Variants in PIK3C2G observed in about 807,000 individuals in gnomAD.
The protein encoded by PIK3C2G is phosphatidylinositol-4-phosphate 3-kinase catalytic subunit type 2 gamma.
PIK3C2G carries 168 observed loss-of-function variants against 181.1 expected under a neutral mutation model. That is an observed-to-expected ratio of 0.93 (90% CI 0.82 to 1.05). The LOEUF (loss-of-function observed/expected upper bound fraction) is 1.05, where lower values mean the gene tolerates loss of function less well. Among genes scored for constraint, PIK3C2G ranks in the 50% least tolerant of loss-of-function variants. The pLI, the probability that PIK3C2G is intolerant of heterozygous loss-of-function variation, is 0.00. For synonymous variants in PIK3C2G, 573 were observed against 592.2 expected, an observed-to-expected ratio of 0.97 and a Z score of 0.47; for missense variants, 1,869 against 1,732.8, an observed-to-expected ratio of 1.08 and a Z score of -1.40.
upstream of PIK3C2G, among the ~76,000 whole-genome samples, chr12:18,258,548 T>A (rs2136982473): frequency 6.6e-6 from 1 of 152,198 alleles, no homozygotes; most frequent in East Asian, 1.9e-4. Context: ...TTTTTCTATG[T>A]CTAGCTTATT....
chr12:18,568,178 G>A (rs1945735635), intron 29 of PIK3C2G, among the ~76,000 whole-genome samples: 1 of 152,032 alleles, frequency 6.6e-6, no homozygotes, highest in African/African-American at 2.4e-5. Flanking sequence ...CAGTTTCCAG[G>A]GATTAGGACA....
In PIK3C2G at chr12:18,282,027, T is replaced by C. The variant is rs1050632339; in HGVS notation, c.-55T>C. 1.2e-5 allele frequency: 12 copies of C among 988,218 alleles called. No individual in the cohort carries two copies. Among genetic ancestry groups the C allele is most frequent in the Middle Eastern group, 2.2e-4 (1 of 4,646 alleles). The allele number at this position is 988,218 out of a possible 1,614,324, so 61.2% of individuals were successfully genotyped here. A position where few individuals can be genotyped will look rare whatever the true frequency, so the allele number is the denominator to read the frequency against. ...AGGAAAATTTCTATCTTCTTTTGTA[T>C]TATCAAGGAGATATTTGGAGCAGAG... On this transcript the variant is annotated 5_prime_UTR_variant, in exon 2 of 33. Coordinates refer to ENST00000538779, the MANE Select transcript of PIK3C2G (RefSeq NM_001288772.2).
intron 11 of PIK3C2G, among the ~76,000 whole-genome samples, chr12:18,354,936 C>G (rs1940586136): frequency 6.6e-6 from 1 of 152,078 alleles, no homozygotes; most frequent in African/African-American, 2.4e-5. Context: ...ATGCCACCCA[C>G]AGGTGCCATT....
At chr12:18,506,623 T>G (rs914623413) in intron 24 of PIK3C2G, among the ~76,000 whole-genome samples, 51 of 152,216 alleles carry the variant, frequency 3.4e-4, no homozygotes, top group African/African-American at 1.2e-3. Flanking sequence ...TTGTTTTATC[T>G]TAGCAAATGA....
the PIK3C2G span, among the ~76,000 whole-genome samples, chr12:18,671,034 C>T: frequency 1.3e-5 from 2 of 151,314 alleles, no homozygotes; most frequent in African/African-American, 2.4e-5. Context: ...AAAATTAGCC[C>T]AGCTTGGTGG....
intron 18 of PIK3C2G, among the ~76,000 whole-genome samples, chr12:18,477,755 G>A (rs1384560304): frequency 1.3e-5 from 2 of 152,144 alleles, no homozygotes; most frequent in Non-Finnish European, 2.9e-5. Context: ...CTCACTGTTT[G>A]TGACTCTGAA....
At chr12:18,486,540 A>T (rs2136043294) in intron 18 of PIK3C2G, among the ~76,000 whole-genome samples, 1 of 152,210 alleles carries the variant, frequency 6.6e-6, no homozygotes, top group Non-Finnish European at 1.5e-5. Context: ...TTATTTCTTT[A>T]ATTATTTTGG....
intron 18 of PIK3C2G, among the ~76,000 whole-genome samples, chr12:18,476,871 G>GAA (rs796118267): frequency 7.0e-6 from 1 of 143,018 alleles, no homozygotes; most frequent in African/African-American, 2.6e-5. Context: ...GGTCTGGATT[G>GAA]AAAAAAAAAA....
chr12:18,257,946 A>C (rs1030001764), upstream of PIK3C2G, among the ~76,000 whole-genome samples: 1 of 152,120 alleles, frequency 6.6e-6, no homozygotes, highest in Non-Finnish European at 1.5e-5. Flanking sequence ...GTACAAATAC[A>C]ACTTCTTGGT....
At chr12:18,590,945 C>A (rs1017934403) in intron 29 of PIK3C2G, among the ~76,000 whole-genome samples, 1 of 151,796 alleles carries the variant, frequency 6.6e-6, no homozygotes. Flanking sequence ...ATTTCAGACA[C>A]CAATTGGAAA....
intron 31 of PIK3C2G, among the ~76,000 whole-genome samples, chr12:18,616,890 A>G (rs1948631675): frequency 6.6e-6 from 1 of 152,174 alleles, no homozygotes; most frequent in African/African-American, 2.4e-5. Context: ...TACAAAATGG[A>G]TTAAATAATT....
intron 10 of PIK3C2G, among the ~76,000 whole-genome samples, chr12:18,344,668 G>A (rs1213054842): frequency 6.6e-6 from 1 of 152,036 alleles, no homozygotes; most frequent in Non-Finnish European, 1.5e-5. Flanking sequence ...AAATGTTCCT[G>A]GAGACTTATA....
chr12:18,559,865 G>GAC (rs1491164618), intron 26 of PIK3C2G, among the ~76,000 whole-genome samples: 1 of 126,838 alleles, frequency 7.9e-6, no homozygotes, highest in South Asian at 2.6e-4. Flanking sequence ...GAGAGAGAGA[G>GAC]ACAGTTTTGC....
chr12:18,601,844 C>T (rs1404011056), intron 30 of PIK3C2G, among the ~76,000 whole-genome samples: 2 of 152,082 alleles, frequency 1.3e-5, no homozygotes, highest in African/African-American at 2.4e-5. Flanking sequence ...GAGAGCCGGG[C>T]TTAGGGAAAT....
intron 18 of PIK3C2G, among the ~76,000 whole-genome samples, chr12:18,439,955 C>G (rs117211684): frequency 0.02 from 3,011 of 152,080 alleles, 40 homozygotes; most frequent in Non-Finnish European, 0.03. Flanking sequence ...TATTGTTATC[C>G]TCTTTAATTC....
intron 32 of PIK3C2G, among the ~76,000 whole-genome samples, chr12:18,642,427 G>A (rs1460929428): frequency 6.6e-6 from 1 of 152,108 alleles, no homozygotes; most frequent in Non-Finnish European, 1.5e-5. Context: ...GAATATTTGT[G>A]TTCTTATACT....
chr12:18,656,367 GT>G, the PIK3C2G span, among the ~76,000 whole-genome samples: 1 of 152,078 alleles, frequency 6.6e-6, no homozygotes, highest in Non-Finnish European at 1.5e-5. Context: ...CACGAGCTCA[GT>G]AGTTCAAGAC....
chr12:18,708,854 C>G, the PIK3C2G span, among the ~76,000 whole-genome samples: 1 of 151,982 alleles, frequency 6.6e-6, no homozygotes, highest in African/African-American at 2.4e-5. Context: ...ATTTTTTAAT[C>G]AAGTTTTTTT....
intron 1 of PIK3C2G, among the ~76,000 whole-genome samples, chr12:18,252,359 A>C (rs566644403): frequency 4.6e-5 from 7 of 152,244 alleles, no homozygotes; most frequent in Admixed American, 1.3e-4. Flanking sequence ...AATCCAACAA[A>C]TCTATAAAGA....
Sources: allele counts gnomAD v4.1 joint callset (sites outside exome capture counted in the v4.1 genomes callset), GRCh38; gene constraint gnomAD v4.1.1; transcripts MANE v1.5; gene names NCBI Gene and HGNC (gene_info 2026-07-23, HGNC 2026-07-21).